PBX1: variants seen among roughly 807,000 people sequenced by gnomAD.
The protein encoded by PBX1 is pre-B-cell leukemia transcription factor 1.
In PBX1, 6 loss-of-function variants were observed where a neutral mutation model predicts 53.4. The ratio of observed to expected loss-of-function variants is 0.11; its 90% confidence interval spans 0.06 to 0.22. The LOEUF (loss-of-function observed/expected upper bound fraction) is 0.22, where lower values mean the gene tolerates loss of function less well. PBX1 is among the 10% of genes least tolerant of loss of function. The pLI is 1.00. For missense variants in PBX1, 251 were observed against 551.4 expected, an observed-to-expected ratio of 0.46 and a Z score of 5.46; for synonymous variants, 204 against 212.3, an observed-to-expected ratio of 0.96 and a Z score of 0.34.
intron 2 of PBX1, among the ~76,000 whole-genome samples, chr1:164,775,768 A>G (rs1257101816): frequency 6.6e-6 from 1 of 152,140 alleles, no homozygotes; most frequent in Non-Finnish European, 1.5e-5. Context: ...ACAAATGGCT[A>G]TTCGGTTTAA....
intron 2 of PBX1, among the ~76,000 whole-genome samples, chr1:164,687,598 G>A (rs1270361743): frequency 6.7e-6 from 1 of 148,268 alleles, no homozygotes; most frequent in Non-Finnish European, 1.5e-5. Flanking sequence ...ATAGTTTAGT[G>A]TCTAGCTTCT....
intron 2 of PBX1, among the ~76,000 whole-genome samples, chr1:164,619,172 GA>G (rs55892148): frequency 6.6e-6 from 1 of 152,066 alleles, no homozygotes; most frequent in Non-Finnish European, 1.5e-5. Context: ...CACCCCTTTT[GA>G]AACCACCTTT....
At chr1:164,630,127 G>A (rs972404986) in intron 2 of PBX1, among the ~76,000 whole-genome samples, 1 of 152,134 alleles carries the variant, frequency 6.6e-6, no homozygotes, top group African/African-American at 2.4e-5. Context: ...TGACCAATGG[G>A]GTGATGCTCG....
At chr1:164,671,070 T>C (rs1448476479) in intron 2 of PBX1, among the ~76,000 whole-genome samples, 3 of 152,198 alleles carry the variant, frequency 2.0e-5, no homozygotes, top group Non-Finnish European at 2.9e-5. Flanking sequence ...AGGTCCATGC[T>C]AATGTCTCCA....
At chr1:164,719,274 T>A (rs975505695) in intron 2 of PBX1, among the ~76,000 whole-genome samples, 8 of 152,334 alleles carry the variant, frequency 5.3e-5, no homozygotes, top group Middle Eastern at 6.8e-3. Context: ...TTCTTCTGTC[T>A]GTGTTTCATT....
chr1:164,618,302 G>GGC (rs1553217625), intron 2 of PBX1, among the ~76,000 whole-genome samples: 3 of 147,830 alleles, frequency 2.0e-5, no homozygotes, highest in Admixed American at 6.7e-5. Context: ...CACGGCGGGG[G>GGC]GGGGGGGGCA....
intron 2 of PBX1, among the ~76,000 whole-genome samples, chr1:164,579,554 C>T (rs1298071595): frequency 6.6e-6 from 1 of 152,218 alleles, no homozygotes; most frequent in Non-Finnish European, 1.5e-5. Context: ...AGCCCAGTTA[C>T]TGGGGCAGAC....
chr1:164,563,509 C>T (rs1653209447), intron 2 of PBX1, among the ~76,000 whole-genome samples, 198 bp downstream of exon 2: 2 of 152,090 alleles, frequency 1.3e-5, no homozygotes, highest in Admixed American at 6.6e-5. Flanking sequence ...TATTATCAAG[C>T]ACTACTGGTT....
intron 2 of PBX1, among the ~76,000 whole-genome samples, chr1:164,736,587 T>C (rs549639333): frequency 1.4e-4 from 22 of 152,296 alleles, no homozygotes; most frequent in African/African-American, 5.1e-4. Context: ...CAATGACATA[T>C]ACATTATCCT....
chr1:164,671,031 T>C (rs540626378), intron 2 of PBX1, among the ~76,000 whole-genome samples: 20 of 152,320 alleles, frequency 1.3e-4, no homozygotes, highest in African/African-American at 4.6e-4. Flanking sequence ...CCAAGACATT[T>C]AATGATGTGG....
intron 2 of PBX1, among the ~76,000 whole-genome samples, chr1:164,776,981 A>G (rs1012513793): frequency 0.22 from 3,166 of 14,502 alleles, 1 homozygote; most frequent in Non-Finnish European, 0.25. Flanking sequence ...GAGAGAGAGG[A>G]GGTGTGGGGG....
rs187059008 is a variant in PBX1, at chr1:164,655,341, G to A, written c.265+92030G>A. ...GTGGTCAGACTGGTCTGGAACTCTCGACCTCAGGTGATTTGCCCACCTCAG... is the reference window on the plus strand; with the variant it reads ...GTGGTCAGACTGGTCTGGAACTCTCAACCTCAGGTGATTTGCCCACCTCAG... On this transcript the variant is annotated intron_variant, in intron 2 of 8. Transcript: ENST00000420696. 8.0e-4 allele frequency among the ~76,000 whole-genome samples: 121 copies of A among 152,156 alleles called. 1 individual carries two copies. The highest frequency in any genetic ancestry group is 3.4e-3 in the Middle Eastern group (1 of 294).
At chr1:164,705,666 A>G (rs1464256312) in intron 2 of PBX1, among the ~76,000 whole-genome samples, 1 of 152,210 alleles carries the variant, frequency 6.6e-6, no homozygotes, top group Non-Finnish European at 1.5e-5. Context: ...ATATGTATAT[A>G]TTATGTGACT....
At chr1:164,811,582 T>C (rs1219948109) in intron 5 of PBX1, among the ~76,000 whole-genome samples, 1 of 152,228 alleles carries the variant, frequency 6.6e-6, no homozygotes, top group African/African-American at 2.4e-5. Flanking sequence ...CATTTAAAGA[T>C]CTGTGTATCT....
chr1:164,589,253 T>TTA (rs1165695573), intron 2 of PBX1, among the ~76,000 whole-genome samples: 1 of 152,018 alleles, frequency 6.6e-6, no homozygotes, highest in Non-Finnish European at 1.5e-5. Context: ...GGATTTTTGT[T>TTA]TAAGTTTCTG....
chr1:164,867,781 A>G (rs1672253949), intron 2 of PBX1, among the ~76,000 whole-genome samples: 1 of 152,252 alleles, frequency 6.6e-6, no homozygotes, highest in African/African-American at 2.4e-5. Context: ...TGATTATTCA[A>G]TCTCAGGCCT....
At chr1:164,563,088 T>C (rs4657364) in intron 1 of PBX1, 150 bp from the exon 2 acceptor site, 115,828 of 505,780 alleles carry the variant, frequency 0.23, 17,514 homozygotes, top group African/African-American at 0.53. Context: ...GGACTCTGTA[T>C]ATTAAGTCAT....
At position 164,723,240 on chromosome 1, in the gene PBX1, A is replaced by C. The variant is rs570133450; in HGVS notation, c.266-69254A>C. Among the ~76,000 whole-genome samples the C allele has an allele frequency of 7.2e-5, 11 of 152,300 alleles. No individual in the cohort carries two copies. In the East Asian group the frequency reaches 1.9e-3, roughly 27 times the overall value. On this transcript the variant is annotated intron_variant, in intron 2 of 8. Coordinates refer to ENST00000420696, the MANE Select transcript of PBX1 (RefSeq NM_002585.4). ...ACTAAAACCCAATCCCTTTCCTGGC[A>C]CCAGACTACTGCTTCTTAAACCAAG...
intron 2 of PBX1, among the ~76,000 whole-genome samples, chr1:164,787,169 C>T (rs1221596652): frequency 1.3e-5 from 2 of 152,084 alleles, no homozygotes; most frequent in African/African-American, 2.4e-5. Context: ...AGGTTTGTGC[C>T]TACAAATCAA....
Sources: gnomAD v4.1 joint callset for allele counts (sites outside exome capture counted in the v4.1 genomes callset) on GRCh38, gnomAD v4.1.1 for gene constraint, MANE v1.5 for transcripts, NCBI Gene and HGNC (gene_info 2026-07-23, HGNC 2026-07-21) for gene names.